The following THSD7B variants were observed in gnomAD, a reference collection of about 807,000 sequenced individuals.
THSD7B encodes thrombospondin type 1 domain containing 7B.
Under a neutral mutation model 213.6 loss-of-function variants are expected in THSD7B, and 138 were observed. The ratio of observed to expected loss-of-function variants is 0.65; its 90% confidence interval spans 0.56 to 0.74. The LOEUF is 0.74. Ranked by LOEUF, THSD7B falls within the 30% of genes least tolerant of loss-of-function variation. THSD7B has a pLI of 0.00. For synonymous variants in THSD7B, 742 were observed against 687.0 expected, an observed-to-expected ratio of 1.08 and a Z score of -1.25; for missense variants, 1,931 against 1,991.5, an observed-to-expected ratio of 0.97 and a Z score of 0.58.
At chr2:137,214,403 T>C (rs996077878) in intron 7 of THSD7B, among the ~76,000 whole-genome samples, 1 of 152,132 alleles carries the variant, frequency 6.6e-6, no homozygotes, top group African/African-American at 2.4e-5. Context: ...ATAAAAGTCA[T>C]ACCTTTGGTA....
chr2:136,794,875 T>C (rs1682033796), intron 1 of THSD7B, among the ~76,000 whole-genome samples: 1 of 152,014 alleles, frequency 6.6e-6, no homozygotes, highest in Non-Finnish European at 1.5e-5. Flanking sequence ...TCCATGTCTT[T>C]CAGTTAAATT....
At chr2:136,959,983 C>G (rs553822049) in intron 2 of THSD7B, among the ~76,000 whole-genome samples, 3 of 152,268 alleles carry the variant, frequency 2.0e-5, no homozygotes, top group African/African-American at 7.2e-5. Context: ...AGCTGAATCG[C>G]TAACCATTTG....
chr2:137,074,445 T>G (rs921531265), intron 3 of THSD7B, among the ~76,000 whole-genome samples: 1 of 152,234 alleles, frequency 6.6e-6, no homozygotes, highest in African/African-American at 2.4e-5. Context: ...TTGGTAGATC[T>G]TCCTCCATCC....
At chr2:136,813,678 A>G (rs1323420597) in intron 1 of THSD7B, among the ~76,000 whole-genome samples, 1 of 152,142 alleles carries the variant, frequency 6.6e-6, no homozygotes, top group Non-Finnish European at 1.5e-5. Context: ...AGTCAATACA[A>G]TTTCTAAGAG....
intron 1 of THSD7B, among the ~76,000 whole-genome samples, chr2:136,783,900 A>G (rs921496905): frequency 2.0e-5 from 3 of 152,186 alleles, no homozygotes; most frequent in African/African-American, 7.2e-5. Context: ...TTCTTCATCA[A>G]TTTCGTAAGA....
At chr2:137,224,223 C>A (rs954113788) in intron 7 of THSD7B, among the ~76,000 whole-genome samples, 1 of 152,154 alleles carries the variant, frequency 6.6e-6, no homozygotes, top group Non-Finnish European at 1.5e-5. Flanking sequence ...GTACAGAATT[C>A]GTTTACTAAA....
intron 2 of THSD7B, among the ~76,000 whole-genome samples, chr2:136,921,446 T>C (rs1039659906): frequency 3.3e-5 from 4 of 119,588 alleles, no homozygotes; most frequent in Non-Finnish European, 5.2e-5. Flanking sequence ...CCTGTGTCTA[T>C]AAATATCATA....
chr2:137,295,417 T>C (rs921418028), intron 12 of THSD7B, among the ~76,000 whole-genome samples: 3 of 152,152 alleles, frequency 2.0e-5, no homozygotes, highest in African/African-American at 7.2e-5. Context: ...TATGCCTTCA[T>C]CAAACAGACA....
At chr2:137,672,913 A>G (rs532248786) in intron 27 of THSD7B, among the ~76,000 whole-genome samples, 2 of 152,312 alleles carry the variant, frequency 1.3e-5, no homozygotes, top group African/African-American at 2.4e-5. Context: ...AAGCAATTTA[A>G]TGGGGATGAC....
chr2:137,218,955 T>C (rs1681307366), intron 7 of THSD7B, among the ~76,000 whole-genome samples: 1 of 148,946 alleles, frequency 6.7e-6, no homozygotes, highest in African/African-American at 2.5e-5. Flanking sequence ...TGTGGTATTG[T>C]CATACTTTTT....
At chr2:137,381,982 C>T (rs1278212243) in intron 12 of THSD7B, among the ~76,000 whole-genome samples, 1 of 152,196 alleles carries the variant, frequency 6.6e-6, no homozygotes, top group Non-Finnish European at 1.5e-5. Context: ...ACGGCAAGTG[C>T]TGGCGCTGGT....
intron 12 of THSD7B, among the ~76,000 whole-genome samples, chr2:137,278,050 G>A (rs1682912630): frequency 1.3e-5 from 2 of 152,088 alleles, no homozygotes; most frequent in Admixed American, 6.6e-5. Context: ...GGGCTAGACT[G>A]AAATCAGGTG....
chr2:137,260,038 C>T (rs2105081587), intron 10 of THSD7B, among the ~76,000 whole-genome samples: 1 of 152,140 alleles, frequency 6.6e-6, no homozygotes, highest in East Asian at 1.9e-4. Context: ...AGAAATTTTC[C>T]CAACGGCCAG....
intron 15 of THSD7B, among the ~76,000 whole-genome samples, chr2:137,469,742 A>G (rs1688057351): frequency 6.6e-6 from 1 of 152,214 alleles, no homozygotes. Flanking sequence ...TGGGCAGTGG[A>G]CAGGTGATAA....
intron 17 of THSD7B, among the ~76,000 whole-genome samples, chr2:137,583,813 C>A (rs1681645036): frequency 6.6e-6 from 1 of 152,138 alleles, no homozygotes; most frequent in South Asian, 2.1e-4. Flanking sequence ...ATTCTCTTGG[C>A]AATGTGGGCT....
At position 137,444,101 on chromosome 2, in the gene THSD7B, A is replaced by G. The variant is rs1414476111; in HGVS notation, c.2960-6744A>G. On this transcript the variant is annotated intron_variant, in intron 14 of 27. Transcript: ENST00000409968. Reference sequence around the variant, plus strand: ...CATCTCTTAATAATTCAGAATTCTAAAAAGAAGAGGTAATAACCTAGGCAC... The same window carrying G: ...CATCTCTTAATAATTCAGAATTCTAGAAAGAAGAGGTAATAACCTAGGCAC... 3.3e-5 allele frequency among the ~76,000 whole-genome samples: 5 copies of G among 152,046 alleles called. No homozygotes were observed. The East Asian group carries it at 9.6e-4, about 29-fold the overall frequency.
chr2:136,993,860 G>T (rs549885298), intron 2 of THSD7B, among the ~76,000 whole-genome samples: 1 of 152,292 alleles, frequency 6.6e-6, no homozygotes, highest in South Asian at 2.1e-4. Context: ...GTGCATGAAA[G>T]ACAGAAGGGG....
At chr2:137,434,616 G>C (rs1230118453) in intron 14 of THSD7B, among the ~76,000 whole-genome samples, 1 of 152,186 alleles carries the variant, frequency 6.6e-6, no homozygotes, top group African/African-American at 2.4e-5. Context: ...CAGCACTCAG[G>C]CATGACAATG....
intron 12 of THSD7B, among the ~76,000 whole-genome samples, chr2:137,276,935 A>G (rs1391734494): frequency 6.6e-6 from 1 of 152,114 alleles, no homozygotes; most frequent in African/African-American, 2.4e-5. Flanking sequence ...TAAGATTGCT[A>G]TGGGGATCTA....
Sources: gnomAD v4.1 joint callset for allele counts (sites outside exome capture counted in the v4.1 genomes callset) on GRCh38, gnomAD v4.1.1 for gene constraint, MANE v1.5 for transcripts, NCBI Gene and HGNC (gene_info 2026-07-23, HGNC 2026-07-21) for gene names.